TULP4: variants seen among roughly 807,000 people sequenced by gnomAD.
TULP4 encodes TUB like protein 4, also known as tubby-related protein 4.
TULP4 carries 16 observed loss-of-function variants against 129.0 expected under a neutral mutation model. The ratio of observed to expected loss-of-function variants is 0.12; its 90% CI spans 0.08 to 0.19. TULP4 has a LOEUF of 0.19. Among genes scored for constraint, TULP4 ranks in the 10% least tolerant of loss-of-function variants. TULP4 has a pLI of 1.00. For synonymous variants in TULP4, 998 were observed against 854.0 expected (o/e 1.17, Z -2.94); for missense variants, 1,842 against 2,059.1 (o/e 0.89, Z 2.04).
At chr6:158,446,433 T>A (rs1779043989) in intron 3 of TULP4, among the ~76,000 whole-genome samples, 1 of 152,212 alleles carries the variant, frequency 6.6e-6, no homozygotes, top group South Asian at 2.1e-4. Context: ...TACTAAACTC[T>A]GATAACTTAA....
intron 11 of TULP4, among the ~76,000 whole-genome samples, chr6:158,495,053 T>C (rs933572002): frequency 6.6e-6 from 1 of 152,218 alleles, no homozygotes; most frequent in African/African-American, 2.4e-5. Flanking sequence ...GTGGCATTTT[T>C]TTTTTTTAAA....
intron 1 of TULP4, among the ~76,000 whole-genome samples, chr6:158,264,283 C>T (rs1040359800): frequency 6.6e-6 from 1 of 152,050 alleles, no homozygotes; most frequent in African/African-American, 2.4e-5. Context: ...TGGCGTGTGT[C>T]GTTGCTTAAA....
chr6:158,301,050 C>T (rs995395745), intron 1 of TULP4, among the ~76,000 whole-genome samples: 1 of 152,148 alleles, frequency 6.6e-6, no homozygotes, highest in Non-Finnish European at 1.5e-5. Context: ...AGGGTGTCTA[C>T]GTTGGCGAAC....
chr6:158,287,339 C>A (rs1360707231), intron 1 of TULP4, among the ~76,000 whole-genome samples: 4 of 152,288 alleles, frequency 2.6e-5, no homozygotes, highest in Admixed American at 2.0e-4. Context: ...TTTACGACAT[C>A]ATTGGAAAAG....
chr6:158,309,379 C>T (rs368163447), upstream of TULP4, among the ~76,000 whole-genome samples: 12 of 147,400 alleles, frequency 8.1e-5, no homozygotes, highest in East Asian at 4.1e-4. Flanking sequence ...GGATGGCGGC[C>T]GGGCAGAGAC....
intron 1 of TULP4, among the ~76,000 whole-genome samples, chr6:158,241,464 T>C (rs1435976828): frequency 6.6e-6 from 1 of 150,676 alleles, no homozygotes; most frequent in Non-Finnish European, 1.5e-5. Flanking sequence ...CATTGAGCAC[T>C]GAGTGAACGA....
chr6:158,245,177 T>C (rs987032101), intron 1 of TULP4, among the ~76,000 whole-genome samples: 14 of 151,122 alleles, frequency 9.3e-5, no homozygotes, highest in Non-Finnish European at 1.5e-5. Context: ...TTTTTTTTTT[T>C]AGGGATGAAG....
At chr6:158,336,967 C>G (rs1468325878) in intron 1 of TULP4, among the ~76,000 whole-genome samples, 1 of 151,878 alleles carries the variant, frequency 6.6e-6, no homozygotes, top group Admixed American at 6.6e-5. Flanking sequence ...GAGCTCTGTT[C>G]ATTTTATTGC....
At chr6:158,412,924 T>C (rs2115009019) in intron 1 of TULP4, 141 bp from the exon 2 acceptor site, 1 of 1,209,674 alleles carries the variant, frequency 8.3e-7, no homozygotes, top group South Asian at 1.8e-5. Flanking sequence ...GTCTGTTCCC[T>C]GCCCTGATCC....
At chr6:158,397,654 A>T (rs1777749161) in intron 1 of TULP4, among the ~76,000 whole-genome samples, 1 of 152,192 alleles carries the variant, frequency 6.6e-6, no homozygotes, top group Non-Finnish European at 1.5e-5. Flanking sequence ...GGAAACCAAA[A>T]GATTGGACAC....
intron 8 of TULP4, among the ~76,000 whole-genome samples, chr6:158,487,999 T>C (rs1320127105): frequency 6.6e-6 from 1 of 152,020 alleles, no homozygotes; most frequent in African/African-American, 2.4e-5. Context: ...ATGCAGTTGC[T>C]CAGCTCTTCT....
intron 1 of TULP4, among the ~76,000 whole-genome samples, chr6:158,409,192 C>G (rs1327464488): frequency 6.6e-6 from 1 of 152,104 alleles, no homozygotes; most frequent in Non-Finnish European, 1.5e-5. Flanking sequence ...GATTATGGCC[C>G]AAATGTAGGC....
chr6:158,314,692 G>C (rs1779448354), intron 1 of TULP4, among the ~76,000 whole-genome samples: 1 of 152,236 alleles, frequency 6.6e-6, no homozygotes, highest in South Asian at 2.1e-4. Context: ...AAATGAAAGT[G>C]GTGCTGCCTT....
At chr6:158,443,031 T>C (rs1288344707) in intron 3 of TULP4, among the ~76,000 whole-genome samples, 1 of 152,022 alleles carries the variant, frequency 6.6e-6, no homozygotes, top group African/African-American at 2.4e-5. Flanking sequence ...GTCACCAGAC[T>C]GGAATGCAGT....
chr6:158,460,172 C>A (rs1562575597), intron 5 of TULP4, among the ~76,000 whole-genome samples: 1 of 152,198 alleles, frequency 6.6e-6, no homozygotes, highest in South Asian at 2.1e-4. Context: ...TCCCAGGAGA[C>A]ACACTCTAGT....
intron 1 of TULP4, among the ~76,000 whole-genome samples, chr6:158,364,059 A>G (rs975287418): frequency 6.6e-6 from 1 of 152,212 alleles, no homozygotes; most frequent in Admixed American, 6.5e-5. Context: ...AGAGCCAGGT[A>G]ATTTGACCAA....
chr6:158,314,338 ACTTC>A, intron 1 of TULP4, 70 bp downstream of exon 1: 1 of 1,546,428 alleles, frequency 6.5e-7, no homozygotes, highest in Non-Finnish European at 8.7e-7. Context: ...TGGACTTGAA[ACTTC>A]CTTCATTTCA....
At chr6:158,314,954 C>G (rs1779455198) in intron 1 of TULP4, among the ~76,000 whole-genome samples, 5 of 152,066 alleles carry the variant, frequency 3.3e-5, no homozygotes, top group Admixed American at 3.3e-4. Flanking sequence ...AAGTGTTAGG[C>G]ATTGTGTTTT....
At chr6:158,473,323 T>G (rs1437010448) in intron 6 of TULP4, among the ~76,000 whole-genome samples, 2 of 152,212 alleles carry the variant, frequency 1.3e-5, no homozygotes, top group Admixed American at 6.5e-5. Context: ...GAGAAAGTCC[T>G]TCATGGGTCT....
Sources: gnomAD v4.1 joint callset for allele counts (sites outside exome capture counted in the v4.1 genomes callset) on GRCh38, gnomAD v4.1.1 for gene constraint, MANE v1.5 for transcripts, NCBI Gene and HGNC (gene_info 2026-07-23, HGNC 2026-07-21) for gene names.